The following SCIN variants were observed in gnomAD, a reference collection of about 807,000 sequenced individuals.
The protein encoded by SCIN is scinderin.
A neutral mutation model predicts 91.8 loss-of-function variants in SCIN; 91 were observed. That is an observed-to-expected ratio of 0.99 (90% CI 0.84 to 1.18). The LOEUF (loss-of-function observed/expected upper bound fraction) is 1.18. Ranked by LOEUF, SCIN falls within the 50% of genes most tolerant of loss-of-function variation. The pLI is 0.00. For missense variants in SCIN, 1,087 were observed against 863.9 expected, an observed-to-expected ratio of 1.26 and a Z score of -3.24; for synonymous variants, 367 against 312.6, an observed-to-expected ratio of 1.17 and a Z score of -1.84.
At position 12,570,777 on chromosome 7, in the gene SCIN, TGCAGGAGCCATGGC is replaced by T. The variant is rs1486272115; in HGVS notation, c.-7_7del. On this transcript the variant is annotated start_lost and 5_prime_UTR_variant, in exon 1 of 16. Coordinates refer to ENST00000297029, the MANE Select transcript of SCIN (RefSeq NM_001112706.3). ...ATCACGCGTCCCCCGGAGCATCGCG[TGCAGGAGCCATGGC>T]GCGGGAGCTATACCACGAAGAGTTC... 1 of 1,549,766 alleles carries T rather than the reference TGCAGGAGCCATGGC, an allele frequency of 6.5e-7. No homozygotes were observed. Among genetic ancestry groups the T allele is most frequent in the South Asian group, 1.2e-5 (1 of 83,948 alleles).
intron 4 of SCIN, among the ~76,000 whole-genome samples, chr7:12,605,511 G>GA (rs1425129748): frequency 6.6e-6 from 1 of 152,200 alleles, no homozygotes; most frequent in Non-Finnish European, 1.5e-5. Context: ...ATATCTTGGG[G>GA]ATGGGAGTCA....
intron 4 of SCIN, among the ~76,000 whole-genome samples, chr7:12,621,403 G>C (rs770854789): frequency 1.3e-5 from 2 of 152,088 alleles, no homozygotes; most frequent in African/African-American, 4.8e-5. Flanking sequence ...TATGGGAATT[G>C]TGGTCTGAAA....
intron 3 of SCIN, among the ~76,000 whole-genome samples, chr7:12,589,856 C>T (rs373361287): frequency 1.3e-5 from 2 of 152,048 alleles, no homozygotes; most frequent in Admixed American, 6.5e-5. Flanking sequence ...AAAGGGCGTC[C>T]GTATATTAAC....
At chr7:12,625,255 A>G (rs1188740752) in intron 6 of SCIN, 113 bp downstream of exon 6, 4 of 985,938 alleles carry the variant, frequency 4.1e-6, no homozygotes, top group Non-Finnish European at 5.7e-6. Flanking sequence ...TAATTAAGAC[A>G]TGATCTATAA....
chr7:12,589,906 C>T (rs926045755), intron 3 of SCIN, among the ~76,000 whole-genome samples: 1 of 152,158 alleles, frequency 6.6e-6, no homozygotes, highest in African/African-American at 2.4e-5. Context: ...TGGACTGGCT[C>T]TAATGCTCTC....
intron 3 of SCIN, among the ~76,000 whole-genome samples, chr7:12,597,342 G>A (rs145679313): frequency 2.1e-3 from 314 of 152,274 alleles, no homozygotes; most frequent in Non-Finnish European, 3.4e-3. Flanking sequence ...GCCAATAGAT[G>A]CCAGGAAGAG....
At chr7:12,621,493 C>T (rs1445649142) in intron 4 of SCIN, among the ~76,000 whole-genome samples, 2 of 152,104 alleles carry the variant, frequency 1.3e-5, no homozygotes, top group Non-Finnish European at 2.9e-5. Flanking sequence ...ATGCCCTTAA[C>T]ACAAACTGTT....
chr7:12,582,509 C>T (rs1056070905), intron 3 of SCIN, among the ~76,000 whole-genome samples: 8 of 152,244 alleles, frequency 5.3e-5, no homozygotes, highest in Middle Eastern at 6.8e-3. Context: ...TTGGATCATA[C>T]CAGCTTGTGT....
At chr7:12,652,512 G>A (rs547281956) in intron 15 of SCIN, 76 bp from the exon 16 acceptor site, 93 of 1,342,660 alleles carry the variant, frequency 6.9e-5, no homozygotes, top group African/African-American at 9.1e-5. Context: ...ACTTTTATTC[G>A]AAGAATTTTC....
chr7:12,586,331 G>A (rs1292974000), intron 3 of SCIN, among the ~76,000 whole-genome samples: 1 of 152,124 alleles, frequency 6.6e-6, no homozygotes, highest in African/African-American at 2.4e-5. Flanking sequence ...ATGAAAAAAT[G>A]CTGAACATCA....
At chr7:12,611,752 AT>A (rs1783196559) in intron 4 of SCIN, among the ~76,000 whole-genome samples, 4 of 152,156 alleles carry the variant, frequency 2.6e-5, no homozygotes. Context: ...GGAAAATGGT[AT>A]AAATAAATAT....
At chr7:12,576,534 A>G (rs1027732511) in intron 1 of SCIN, among the ~76,000 whole-genome samples, 2 of 152,156 alleles carry the variant, frequency 1.3e-5, no homozygotes, top group Non-Finnish European at 2.9e-5. Flanking sequence ...TGAACTATTA[A>G]ATTATTACAG....
At chr7:12,634,267 C>T in intron 9 of SCIN, among the ~76,000 whole-genome samples, 1 of 152,156 alleles carries the variant, frequency 6.6e-6, no homozygotes, top group Admixed American at 6.5e-5. Context: ...AGGTGGATCA[C>T]CTGAGGTCAG....
At chr7:12,629,965 A>C (rs755809667) in intron 9 of SCIN, among the ~76,000 whole-genome samples, 3 of 152,096 alleles carry the variant, frequency 2.0e-5, no homozygotes, top group Admixed American at 6.5e-5. Context: ...AAAAGAAAAT[A>C]ATTCTTAAAA....
Position 12,626,637 on chromosome 7 carries a change from G to A in SCIN, c.1035G>A (p.Lys345=), listed in dbSNP as rs753940068. The A allele has an allele frequency of 6.4e-7, 1 of 1,553,656 alleles. No individual in the cohort carries two copies. Among genetic ancestry groups the A allele is most frequent in the South Asian group, 1.2e-5 (1 of 84,186 alleles). The part of the protein sequence containing the change: ...GETPIFKQFF[K]DWRDKDQSDG... ...CACCAATCTTCAAACAGTTTTTTAA[G>A]GACTGGAGAGATAAAGATCAGAGTG... The change falls in exon 8 of 16, where the codon AAG becomes AAA. Residue 345 remains lysine, a synonymous_variant. Transcript: ENST00000297029.
intron 3 of SCIN, among the ~76,000 whole-genome samples, chr7:12,590,655 A>C (rs956453269): frequency 1.3e-5 from 2 of 151,944 alleles, no homozygotes; most frequent in Non-Finnish European, 2.9e-5. Context: ...AGAGGGGCAG[A>C]GGCAGAAGAA....
intron 4 of SCIN, among the ~76,000 whole-genome samples, chr7:12,608,295 C>G (rs905702559): frequency 2.0e-5 from 3 of 148,400 alleles, no homozygotes; most frequent in African/African-American, 7.5e-5. Context: ...GTGTTCCAAA[C>G]CAGTCTATAC....
Position 12,649,519 on chromosome 7 carries a change from T to A in SCIN, c.1934T>A (p.Val645Asp). Reference sequence around the variant, plus strand: ...CAGGATGATTTAGCTGAAGATGATGTCATGTTACTAGATGCTTGGGAACAG... The same window carrying A: ...CAGGATGATTTAGCTGAAGATGATGACATGTTACTAGATGCTTGGGAACAG... Reference protein sequence around the residue: ...FTQDDLAEDDVMLLDAWEQIF... With the variant: ...FTQDDLAEDDDMLLDAWEQIF... Residue 645 changes from valine (V) to aspartate (D), a missense_variant, in exon 14 of 16, where the codon GTC becomes GAC. Transcript: ENST00000297029. 2 of 1,602,418 alleles carry A rather than the reference T, an allele frequency of 1.2e-6. No homozygotes were observed. Among genetic ancestry groups the A allele is most frequent in the Non-Finnish European group, 1.7e-6 (2 of 1,173,900 alleles).
chr7:12,592,766 G>A (rs1782753069), intron 3 of SCIN, among the ~76,000 whole-genome samples: 2 of 152,174 alleles, frequency 1.3e-5, no homozygotes, highest in Non-Finnish European at 2.9e-5. Context: ...GACAAGAGAT[G>A]AGTCCGTCAA....
Sources: gnomAD v4.1 joint callset for allele counts (sites outside exome capture counted in the v4.1 genomes callset) on GRCh38, gnomAD v4.1.1 for gene constraint, MANE v1.5 for transcripts, NCBI Gene and HGNC (gene_info 2026-07-23, HGNC 2026-07-21) for gene names.